Variants in SLC7A11 observed in about 807,000 individuals in gnomAD.
The protein encoded by SLC7A11 is solute carrier family 7 member 11.
SLC7A11 carries 35 observed loss-of-function variants against 54.5 expected under a neutral mutation model. That is an observed-to-expected ratio of 0.64 (90% confidence interval 0.49 to 0.85). SLC7A11 has a LOEUF of 0.85. SLC7A11 is among the 40% of genes least tolerant of loss of function. The probability of loss-of-function intolerance (pLI) is 0.00; values close to 1 mark genes in which losing one functional copy is unlikely to be tolerated. For missense variants in SLC7A11, 583 were observed against 618.1 expected, an observed-to-expected ratio of 0.94 and a Z score of 0.60; for synonymous variants, 230 against 225.2, an observed-to-expected ratio of 1.02 and a Z score of -0.19.
chr4:138,172,508 T>A (rs1736452875), intron 11 of SLC7A11, among the ~76,000 whole-genome samples: 1 of 152,164 alleles, frequency 6.6e-6, no homozygotes, highest in Non-Finnish European at 1.5e-5. Flanking sequence ...ATCAGTAGAA[T>A]GAGAGACTAA....
At chr4:138,218,111 C>G (rs997838694) in intron 5 of SLC7A11, among the ~76,000 whole-genome samples, 1 of 152,126 alleles carries the variant, frequency 6.6e-6, no homozygotes, top group Admixed American at 6.6e-5. Flanking sequence ...TCCTCTAATA[C>G]CATATTTTCA....
intron 1 of SLC7A11, among the ~76,000 whole-genome samples, chr4:138,236,983 CTTTTTTTT>C (rs34896335): frequency 2.7e-5 from 3 of 111,920 alleles, no homozygotes; most frequent in African/African-American, 3.5e-5. Flanking sequence ...TGCAAGATTT[CTTTTTTTT>C]TTTTTTTTTT....
At chr4:138,236,509 AT>A in intron 1 of SLC7A11, 58 bp from the exon 2 acceptor site, 1 of 1,476,138 alleles carries the variant, frequency 6.8e-7, no homozygotes, top group South Asian at 1.3e-5. Context: ...GACACCCAGC[AT>A]TAGAATAGAT....
At chr4:138,240,009 A>C (rs1738338863) in intron 1 of SLC7A11, among the ~76,000 whole-genome samples, 2 of 152,328 alleles carry the variant, frequency 1.3e-5, no homozygotes, top group East Asian at 3.9e-4. Context: ...CTATAAGTGC[A>C]TATACCAGAG....
intron 4 of SLC7A11, among the ~76,000 whole-genome samples, chr4:138,222,090 G>A (rs1298192148): frequency 6.6e-6 from 1 of 152,160 alleles, no homozygotes; most frequent in Non-Finnish European, 1.5e-5. Flanking sequence ...AAGCTCTAAC[G>A]GTCAAAATCT....
chr4:138,206,595 T>C (rs1044164010), intron 6 of SLC7A11, among the ~76,000 whole-genome samples: 8 of 151,840 alleles, frequency 5.3e-5, no homozygotes, highest in Non-Finnish European at 1.2e-4. Context: ...ACTTGAAGGA[T>C]TAATATCTGT....
At chr4:138,196,137 T>C (rs906094744) in intron 6 of SLC7A11, among the ~76,000 whole-genome samples, 2 of 152,186 alleles carry the variant, frequency 1.3e-5, no homozygotes, top group Non-Finnish European at 2.9e-5. Flanking sequence ...ACCTGATTTA[T>C]GAACAGGATA....
Position 138,166,802 on chromosome 4 carries a change from A to AAAAT in SLC7A11, c.*5150_*5153dup, listed in dbSNP as rs1403417535. The AAAAT allele has an allele frequency of 6.6e-6, 1 of 152,198 alleles. No individual in the cohort carries two copies. The highest frequency in any genetic ancestry group is 1.5e-5 in the Non-Finnish European group (1 of 68,030). 9.4% of individuals were successfully genotyped at this position (152,198 alleles called of 1,614,324 possible). ...CCAATAGTAACAGAGAGGAGGGAAA[A>AAAAT]AAATAACTACCAAGAAAATAAAACT... is the stretch of plus-strand genomic sequence containing the variant. On this transcript the variant is annotated 3_prime_UTR_variant, in exon 12 of 12. Coordinates refer to ENST00000280612, the MANE Select transcript of SLC7A11 (RefSeq NM_014331.4).
intron 7 of SLC7A11, among the ~76,000 whole-genome samples, chr4:138,183,799 CAT>C (rs1329011047): frequency 2.0e-5 from 3 of 152,082 alleles, no homozygotes; most frequent in Non-Finnish European, 4.4e-5. Flanking sequence ...TAATTTATAG[CAT>C]ATACATGAGT....
At chr4:138,198,143 G>A (rs1737185808) in intron 6 of SLC7A11, among the ~76,000 whole-genome samples, 1 of 149,926 alleles carries the variant, frequency 6.7e-6, no homozygotes, top group African/African-American at 2.4e-5. Context: ...AAAGAAACCA[G>A]AAAAAACAAA....
chr4:138,196,787 G>A (rs1737144809), intron 6 of SLC7A11, among the ~76,000 whole-genome samples: 1 of 152,122 alleles, frequency 6.6e-6, no homozygotes, highest in Non-Finnish European at 1.5e-5. Context: ...AGCCTCCCGA[G>A]TAGCTGGGAT....
chr4:138,200,281 T>A (rs1251000751), intron 6 of SLC7A11, among the ~76,000 whole-genome samples: 1 of 152,144 alleles, frequency 6.6e-6, no homozygotes, highest in Non-Finnish European at 1.5e-5. Flanking sequence ...TATTTCCTTA[T>A]AATATTCTAA....
In SLC7A11 at chr4:138,195,622, CCTT is replaced by C. The variant is rs139083992; in HGVS notation, c.792-10381_792-10379del. On this transcript the variant is annotated intron_variant, in intron 6 of 11. Transcript: ENST00000280612. The stretch of plus-strand genomic sequence containing the variant: ...CTCCCTCCTCAGGGAAACCTTACCT[CCTT>C]CTTCTAAGTAGGTCTCCCACCCTGG... 3.3e-3 allele frequency among the ~76,000 whole-genome samples: 497 copies of C among 152,306 alleles called. 5 individuals carry two copies. In the East Asian group the frequency reaches 0.045, roughly 14 times the overall value.
At position 138,170,717 on chromosome 4, in the gene SLC7A11, G is replaced by A. The variant is rs1274515321; in HGVS notation, c.*1239C>T. On this transcript the variant is annotated 3_prime_UTR_variant, in exon 12 of 12. Transcript: ENST00000280612. ...TTCTTATCAGTTGTCTCTTTTGCAA[G>A]TTGAATGATAATTAAGGTGTGGAAA... The A allele has an allele frequency of 6.6e-6, 1 of 152,060 alleles. No homozygotes were observed. Among genetic ancestry groups the A allele is most frequent in the African/African-American group, 2.4e-5 (1 of 41,406 alleles). The allele number at this position is 152,060 out of a possible 1,614,324, so 9.4% of individuals were successfully genotyped here.
Position 138,224,774 on chromosome 4 carries a change from AGAAG to A in SLC7A11, c.521-1454_521-1451del, listed in dbSNP as rs141726377. Among the ~76,000 whole-genome samples, 293 of 149,962 alleles carry A rather than the reference AGAAG, an allele frequency of 2.0e-3. 4 individuals are homozygous for A. The highest frequency in any genetic ancestry group is 6.0e-3 in the African/African-American group (247 of 40,922). On this transcript the variant is annotated intron_variant, in intron 3 of 11. Transcript: ENST00000280612. ...CAGCAAGTTAGAGGAATGGATGGAA[AGAAG>A]GAAGGAAGGAAGAAGGAAAAGAAGG...
In SLC7A11 at chr4:138,242,090, A is replaced by G; in HGVS notation, c.-21T>C. 1 of 1,610,494 alleles carries G rather than the reference A, an allele frequency of 6.2e-7. No homozygotes were observed. The highest frequency in any genetic ancestry group is 8.5e-7 in the Non-Finnish European group (1 of 1,177,846). On this transcript the variant is annotated 5_prime_UTR_variant, in exon 1 of 12. Transcript: ENST00000280612. Reference sequence around the variant, plus strand: ...ACCATAGTAGGGACACACGGGGGAAAAATAAAACAGAGGGAAAGAAAACAA... The same window carrying G: ...ACCATAGTAGGGACACACGGGGGAAGAATAAAACAGAGGGAAAGAAAACAA...
In SLC7A11 at chr4:138,195,858, G is replaced by C. The variant is rs6832143; in HGVS notation, c.792-10614C>G. Among the ~76,000 whole-genome samples the C allele has an allele frequency of 7.2e-5, 11 of 152,014 alleles. No individual in the cohort carries two copies. The South Asian group carries it at 1.9e-3, about 26-fold the overall frequency. The stretch of plus-strand genomic sequence containing the variant: ...CATTTTTGAGAAGGGTTGTCAGGAC[G>C]GTTTGTTATCCTCAAGCATAACTCT... On this transcript the variant is annotated intron_variant, in intron 6 of 11. Transcript: ENST00000280612.
At chr4:138,209,622 T>C (rs762147323) in intron 6 of SLC7A11, among the ~76,000 whole-genome samples, 2 of 151,896 alleles carry the variant, frequency 1.3e-5, no homozygotes, top group Non-Finnish European at 2.9e-5. Context: ...AAATCAAGAA[T>C]GCAATCCCAT....
chr4:138,219,131 C>T (rs1396434121), intron 5 of SLC7A11, 135 bp downstream of exon 5: 2 of 581,030 alleles, frequency 3.4e-6, no homozygotes, highest in Middle Eastern at 2.6e-4. Flanking sequence ...TACCTTATTT[C>T]TCATTTCAAG....
Sources: allele counts gnomAD v4.1 joint callset (sites outside exome capture counted in the v4.1 genomes callset), GRCh38; gene constraint gnomAD v4.1.1; transcripts MANE v1.5; gene names NCBI Gene and HGNC (gene_info 2026-07-23, HGNC 2026-07-21).